The following GMDS variants were observed in gnomAD, a reference collection of about 807,000 sequenced individuals.
The protein encoded by GMDS is GDP-mannose 4,6 dehydratase.
GMDS carries 20 observed loss-of-function variants against 49.9 expected under a neutral mutation model. The observed-to-expected ratio is 0.40, with a 90% confidence interval of 0.28 to 0.58. The LOEUF (loss-of-function observed/expected upper bound fraction) is 0.58. Among genes scored for constraint, GMDS ranks in the 20% least tolerant of loss-of-function variants. The probability of loss-of-function intolerance (pLI) is 0.42; values close to 1 mark genes in which losing one functional copy is unlikely to be tolerated. For synonymous variants in GMDS, 177 were observed against 178.6 expected (o/e 0.99, Z 0.07); for missense variants, 362 against 481.4 (o/e 0.75, Z 2.32).
At chr6:1,685,078 G>A (rs1168272368) in intron 9 of GMDS, among the ~76,000 whole-genome samples, 1 of 150,318 alleles carries the variant, frequency 6.7e-6, no homozygotes, top group East Asian at 2.0e-4. Context: ...CACTTGTAAA[G>A]CACCTTGAGA....
chr6:1,895,659 A>C (rs1308690113), intron 7 of GMDS, among the ~76,000 whole-genome samples: 1 of 152,224 alleles, frequency 6.6e-6, no homozygotes, highest in Non-Finnish European at 1.5e-5. Flanking sequence ...CCTTCTATGT[A>C]AACTCTGGTC....
intron 7 of GMDS, among the ~76,000 whole-genome samples, chr6:1,924,354 G>A (rs887556553): frequency 1.3e-5 from 2 of 152,134 alleles, no homozygotes; most frequent in African/African-American, 4.8e-5. Flanking sequence ...TTACCAGTAG[G>A]ACCCTTCTGG....
intron 1 of GMDS, among the ~76,000 whole-genome samples, chr6:2,147,778 A>G (rs1277190526): frequency 6.7e-6 from 1 of 150,250 alleles, no homozygotes; most frequent in African/African-American, 2.5e-5. Context: ...TCTTTAAGAG[A>G]CTCAAAAAAA....
chr6:2,236,495 G>T (rs1038384379), intron 1 of GMDS, among the ~76,000 whole-genome samples: 6 of 152,126 alleles, frequency 3.9e-5, no homozygotes, highest in Non-Finnish European at 5.9e-5. Flanking sequence ...TGTCCTGCAG[G>T]TCTCTTGCAA....
chr6:2,079,758 G>A (rs1471469227), intron 4 of GMDS, among the ~76,000 whole-genome samples: 1 of 152,002 alleles, frequency 6.6e-6, no homozygotes, highest in Non-Finnish European at 1.5e-5. Context: ...TAGATAGTTT[G>A]ACTATAATGT....
chr6:1,681,559 A>T (rs1055114431), intron 9 of GMDS, among the ~76,000 whole-genome samples: 1 of 152,158 alleles, frequency 6.6e-6, no homozygotes. Context: ...ACAGTCTACG[A>T]CTGCCAGGGA....
chr6:1,782,181 T>C (rs1034912898), intron 7 of GMDS, among the ~76,000 whole-genome samples: 1 of 152,184 alleles, frequency 6.6e-6, no homozygotes, highest in Non-Finnish European at 1.5e-5. Context: ...ATTTACTACC[T>C]TATACCAACT....
At chr6:2,123,225 G>A (rs747616374) in intron 2 of GMDS, among the ~76,000 whole-genome samples, 5 of 152,290 alleles carry the variant, frequency 3.3e-5, no homozygotes, top group South Asian at 2.1e-4. Context: ...TCACTGCAGC[G>A]CATAGCCGTG....
chr6:2,048,379 C>T (rs192213237), intron 4 of GMDS, among the ~76,000 whole-genome samples: 274 of 152,336 alleles, frequency 1.8e-3, no homozygotes, highest in African/African-American at 5.8e-3. Context: ...CCTTAATACT[C>T]TGTTCCACTG....
At chr6:1,917,224 C>T (rs1761451493) in intron 7 of GMDS, among the ~76,000 whole-genome samples, 1 of 152,136 alleles carries the variant, frequency 6.6e-6, no homozygotes, top group Non-Finnish European at 1.5e-5. Flanking sequence ...AAAAAAATGA[C>T]TTTAAAAATC....
intron 1 of GMDS, among the ~76,000 whole-genome samples, chr6:2,230,626 C>A (rs1388017287): frequency 1.3e-5 from 2 of 151,834 alleles, no homozygotes; most frequent in African/African-American, 4.8e-5. Context: ...AAAGACAACT[C>A]AATGGAAAGA....
chr6:1,632,036 T>G (rs1253002711), intron 9 of GMDS, among the ~76,000 whole-genome samples: 1 of 152,190 alleles, frequency 6.6e-6, no homozygotes, highest in East Asian at 1.9e-4. Context: ...TACTACATGG[T>G]CACCTGGCAT....
At chr6:1,762,060 G>A (rs558623445) in intron 7 of GMDS, among the ~76,000 whole-genome samples, 5 of 152,186 alleles carry the variant, frequency 3.3e-5, no homozygotes, top group Non-Finnish European at 7.3e-5. Flanking sequence ...AAGCCGAGAA[G>A]CACAGTCTGT....
chr6:1,914,525 T>C (rs532321836), intron 7 of GMDS, among the ~76,000 whole-genome samples: 1 of 151,938 alleles, frequency 6.6e-6, no homozygotes, highest in Non-Finnish European at 1.5e-5. Context: ...GAAGTAACTA[T>C]AACCTAGACT....
chr6:2,008,437 C>T (rs1468408528), intron 4 of GMDS, among the ~76,000 whole-genome samples: 3 of 152,128 alleles, frequency 2.0e-5, no homozygotes, highest in Non-Finnish European at 4.4e-5. Context: ...TTATGGCATA[C>T]ATGTCAGGAC....
chr6:2,211,593 T>C (rs1353027662), intron 1 of GMDS, among the ~76,000 whole-genome samples: 8 of 152,146 alleles, frequency 5.3e-5, no homozygotes, highest in South Asian at 2.1e-4. Flanking sequence ...ATAGGTCTAT[T>C]TGAAATGCTC....
chr6:1,992,357 G>C (rs1486279700), intron 4 of GMDS, among the ~76,000 whole-genome samples: 3 of 152,088 alleles, frequency 2.0e-5, no homozygotes, highest in African/African-American at 7.2e-5. Context: ...AGCAAGGCTG[G>C]TGATCATCCA....
In GMDS at chr6:1,689,811, G is replaced by A. The variant is rs530337308; in HGVS notation, c.987+36605C>T. ...TGAAAAATTGTAATAAAGTGAAGACGCGTGATTTCCTTAGGTCAAGAGGAG... is the reference window on the plus strand; with the variant it reads ...TGAAAAATTGTAATAAAGTGAAGACACGTGATTTCCTTAGGTCAAGAGGAG... On this transcript the variant is annotated intron_variant, in intron 9 of 10. Coordinates refer to ENST00000380815, the MANE Select transcript of GMDS (RefSeq NM_001500.4). 3.4e-4 allele frequency among the ~76,000 whole-genome samples: 51 copies of A among 152,226 alleles called. No homozygotes were observed. In the South Asian group the frequency reaches 7.5e-3, roughly 22 times the overall value.
intron 9 of GMDS, among the ~76,000 whole-genome samples, chr6:1,670,530 G>A (rs1764387876): frequency 6.6e-6 from 1 of 151,732 alleles, no homozygotes; most frequent in African/African-American, 2.4e-5. Flanking sequence ...GCTCAGATAT[G>A]TAAAAGAAAT....
Sources: allele counts gnomAD v4.1 joint callset (sites outside exome capture counted in the v4.1 genomes callset), GRCh38; gene constraint gnomAD v4.1.1; transcripts MANE v1.5; gene names NCBI Gene and HGNC (gene_info 2026-07-23, HGNC 2026-07-21).